Variants in FAM53B observed in about 807,000 individuals in gnomAD.
FAM53B encodes the protein protein FAM53B.
In FAM53B, 12 loss-of-function variants were observed where a neutral mutation model predicts 32.7. The ratio of observed to expected loss-of-function variants is 0.37; its 90% CI spans 0.24 to 0.59. The LOEUF is 0.59. Ranked by LOEUF, FAM53B falls within the 20% of genes least tolerant of loss-of-function variation. The pLI is 0.72. For missense variants in FAM53B, 477 were observed against 577.7 expected, an observed-to-expected ratio of 0.83 and a Z score of 1.79; for synonymous variants, 234 against 228.7, an observed-to-expected ratio of 1.02 and a Z score of -0.21.
chr10:124,706,825 C>G lies in FAM53B; in HGVS notation c.-112G>C. 3.2e-6 allele frequency: 5 copies of G among 1,564,222 alleles called. No homozygotes were observed. Among genetic ancestry groups the G allele is most frequent in the Middle Eastern group, 2.1e-4 (1 of 4,702 alleles). On this transcript the variant is annotated 5_prime_UTR_variant, in exon 2 of 5. Transcript: ENST00000337318. ...GAATTGATGTCAGCAGAAACAGCTC[C>G]CCATTGGCCACTCACCCTTGGGGTG...
intron 1 of FAM53B, among the ~76,000 whole-genome samples, chr10:124,719,484 G>GAGT (rs1330593874): frequency 1.3e-5 from 2 of 152,194 alleles, no homozygotes; most frequent in Non-Finnish European, 2.9e-5. Context: ...GACTCTGGAA[G>GAGT]AGTTAACCCA....
chr10:124,743,629 G>A (rs1226167744), intron 1 of FAM53B, among the ~76,000 whole-genome samples: 1 of 152,102 alleles, frequency 6.6e-6, no homozygotes, highest in Non-Finnish European at 1.5e-5. Flanking sequence ...CTCCGCAGCG[G>A]CTAGTCAGGG....
chr10:124,663,573 C>T (rs1949647233), intron 4 of FAM53B, among the ~76,000 whole-genome samples: 2 of 152,188 alleles, frequency 1.3e-5, no homozygotes, highest in Admixed American at 6.5e-5. Context: ...AAGGAGCTCG[C>T]GATGTACTTG....
chr10:124,630,903 G>A (rs563089862), intron 4 of FAM53B, among the ~76,000 whole-genome samples: 31 of 152,352 alleles, frequency 2.0e-4, no homozygotes, highest in Middle Eastern at 3.4e-3. Context: ...ACAGACTTTG[G>A]CGGCACTGTC....
At chr10:124,692,365 C>G (rs1379093680) in intron 3 of FAM53B, among the ~76,000 whole-genome samples, 3 of 152,050 alleles carry the variant, frequency 2.0e-5, no homozygotes, top group Non-Finnish European at 4.4e-5. Flanking sequence ...GGCCCGGTAT[C>G]CAGCTTGCAA....
At chr10:124,720,720 G>A (rs971172302) in intron 1 of FAM53B, among the ~76,000 whole-genome samples, 3 of 152,102 alleles carry the variant, frequency 2.0e-5, no homozygotes, top group African/African-American at 7.2e-5. Flanking sequence ...TGTGACTGCT[G>A]GGATGATGGT....
chr10:124,730,209 A>T (rs1257500758), intron 1 of FAM53B, among the ~76,000 whole-genome samples: 3 of 152,252 alleles, frequency 2.0e-5, no homozygotes, highest in Non-Finnish European at 4.4e-5. Flanking sequence ...GAACAATGGT[A>T]TAACCCATCA....
intron 1 of FAM53B, chr10:124,713,841 T>G (rs1031883624): frequency 3.9e-5 from 6 of 152,212 alleles, no homozygotes; most frequent in African/African-American, 1.4e-4. Flanking sequence ...GACAGTGATT[T>G]TCCTGGTGGC....
intron 1 of FAM53B, among the ~76,000 whole-genome samples, chr10:124,716,957 G>A (rs1246829379): frequency 6.6e-6 from 1 of 152,134 alleles, no homozygotes; most frequent in Non-Finnish European, 1.5e-5. Context: ...AGACAACCAT[G>A]ACCTGTTCTT....
chr10:124,635,292 T>C (rs1949422761), intron 4 of FAM53B, among the ~76,000 whole-genome samples: 1 of 152,086 alleles, frequency 6.6e-6, no homozygotes, highest in South Asian at 2.1e-4. Context: ...AGGGTTTTAC[T>C]ACATTGGCCA....
intron 4 of FAM53B, among the ~76,000 whole-genome samples, chr10:124,649,305 A>G (rs1949540566): frequency 6.6e-6 from 1 of 152,214 alleles, no homozygotes; most frequent in Non-Finnish European, 1.5e-5. Flanking sequence ...GATGGCAGCA[A>G]ACTAACCCTG....
chr10:124,731,914 G>A (rs915246558), intron 1 of FAM53B, among the ~76,000 whole-genome samples: 5 of 152,192 alleles, frequency 3.3e-5, no homozygotes, highest in East Asian at 3.8e-4. Context: ...TGAACTGAAC[G>A]ATGGCTTGTT....
chr10:124,702,177 G>A (rs1258615115), intron 2 of FAM53B, among the ~76,000 whole-genome samples: 2 of 152,254 alleles, frequency 1.3e-5, no homozygotes, highest in African/African-American at 4.8e-5. Flanking sequence ...GGCCTATGCT[G>A]ATACCAGTCC....
intron 4 of FAM53B, among the ~76,000 whole-genome samples, chr10:124,655,263 C>T (rs1209053684): frequency 1.3e-5 from 2 of 152,180 alleles, no homozygotes; most frequent in East Asian, 3.8e-4. Context: ...CTGGGACTAC[C>T]TCCTGGACAC....
intron 4 of FAM53B, among the ~76,000 whole-genome samples, chr10:124,631,207 G>T (rs1294429516): frequency 6.6e-6 from 1 of 152,188 alleles, no homozygotes; most frequent in African/African-American, 2.4e-5. Flanking sequence ...CCCTCCCGCT[G>T]GATTCTTTAC....
chr10:124,690,299 T>C (rs892811527), intron 3 of FAM53B, among the ~76,000 whole-genome samples: 1 of 152,222 alleles, frequency 6.6e-6, no homozygotes, highest in Non-Finnish European at 1.5e-5. Context: ...GCAATCTCCA[T>C]CTGACTGATG....
chr10:124,708,702 G>C (rs1949978215), intron 1 of FAM53B, among the ~76,000 whole-genome samples: 1 of 152,254 alleles, frequency 6.6e-6, no homozygotes, highest in Admixed American at 6.5e-5. Flanking sequence ...AGTGGTGGAA[G>C]CCTAATGGCA....
chr10:124,732,351 C>T (rs554510846), intron 1 of FAM53B, among the ~76,000 whole-genome samples: 21 of 152,326 alleles, frequency 1.4e-4, no homozygotes, highest in African/African-American at 4.8e-4. Flanking sequence ...GGATCAGCCA[C>T]GCTCAGTCGT....
intron 4 of FAM53B, among the ~76,000 whole-genome samples, chr10:124,665,154 C>G (rs1207930098): frequency 1.3e-5 from 2 of 152,240 alleles, no homozygotes; most frequent in Non-Finnish European, 2.9e-5. Flanking sequence ...TCACAGCCTC[C>G]AGTGCTCTGC....
Sources: allele counts gnomAD v4.1 joint callset (sites outside exome capture counted in the v4.1 genomes callset), GRCh38; gene constraint gnomAD v4.1.1; transcripts MANE v1.5; gene names NCBI Gene and HGNC (gene_info 2026-07-23, HGNC 2026-07-21).